FBXL17: variants seen among roughly 807,000 people sequenced by gnomAD.
The protein encoded by FBXL17 is F-box/LRR-repeat protein 17.
Under a neutral mutation model 66.2 loss-of-function variants are expected in FBXL17, and 22 were observed. The observed-to-expected ratio is 0.33, with a 90% CI of 0.24 to 0.47. The LOEUF is 0.47. FBXL17 is among the 20% of genes least tolerant of loss of function. The pLI is 1.00. For synonymous variants in FBXL17, 474 were observed against 400.5 expected (o/e 1.18, Z -2.19); for missense variants, 878 against 948.2 (o/e 0.93, Z 0.97).
chr5:108,246,440 C>T (rs1217117464), intron 4 of FBXL17, among the ~76,000 whole-genome samples: 1 of 152,112 alleles, frequency 6.6e-6, no homozygotes. Flanking sequence ...TCACTTGAGC[C>T]CAGGAGGTTG....
At chr5:108,038,863 T>A (rs1403850700) in intron 6 of FBXL17, among the ~76,000 whole-genome samples, 1 of 152,090 alleles carries the variant, frequency 6.6e-6, no homozygotes, top group Non-Finnish European at 1.5e-5. Context: ...CTCACCATGA[T>A]GTACTGAAAA....
chr5:108,143,462 A>G (rs1751438480), intron 6 of FBXL17, among the ~76,000 whole-genome samples: 1 of 152,104 alleles, frequency 6.6e-6, no homozygotes, highest in Admixed American at 6.5e-5. Context: ...GTATCTCTTC[A>G]TGACCAGATT....
intron 7 of FBXL17, among the ~76,000 whole-genome samples, chr5:107,950,610 T>C (rs937562581): frequency 6.6e-6 from 1 of 152,204 alleles, no homozygotes; most frequent in Admixed American, 6.5e-5. Flanking sequence ...ATGTCTCATA[T>C]GGTCTCATCT....
rs1242120184 is a variant in FBXL17, at chr5:108,099,420, T to C, written c.1746-78419A>G. Among the ~76,000 whole-genome samples the C allele has an allele frequency of 1.3e-5, 2 of 152,146 alleles. 1 individual carries two copies. Among genetic ancestry groups the C allele is most frequent in the South Asian group, 4.1e-4 (2 of 4,836 alleles). ...GTTTTACATGGCACAGGAGACTTCATAGGAAAACGAAGACCCAAAGATGCA... is the reference window on the plus strand; with the variant it reads ...GTTTTACATGGCACAGGAGACTTCACAGGAAAACGAAGACCCAAAGATGCA... On this transcript the variant is annotated intron_variant, in intron 6 of 8. Transcript: ENST00000542267.
At chr5:108,193,112 C>T (rs1014789342) in intron 5 of FBXL17, among the ~76,000 whole-genome samples, 1 of 152,156 alleles carries the variant, frequency 6.6e-6, no homozygotes, top group Non-Finnish European at 1.5e-5. Context: ...CACATATTGA[C>T]TTTATTGGAC....
chr5:108,183,942 G>A (rs115996234), intron 6 of FBXL17, among the ~76,000 whole-genome samples: 2,013 of 152,202 alleles, frequency 0.013, 53 homozygotes, highest in African/African-American at 0.047. Flanking sequence ...TATAAATGGT[G>A]ATCACATACC....
intron 4 of FBXL17, among the ~76,000 whole-genome samples, chr5:108,323,554 T>C (rs1365224296): frequency 6.6e-6 from 1 of 152,026 alleles, no homozygotes; most frequent in Non-Finnish European, 1.5e-5. Flanking sequence ...ATACAATCCC[T>C]ATCAAAATCT....
Position 107,881,023 on chromosome 5 carries a change from T to G in FBXL17, c.1965+14A>C. 1 of 1,614,102 alleles carries G rather than the reference T, an allele frequency of 6.2e-7. No individual in the cohort carries two copies. The highest frequency in any genetic ancestry group is 1.1e-5 in the South Asian group (1 of 91,086). On this transcript the variant is annotated intron_variant, in intron 8 of 8. Coordinates refer to ENST00000542267, the MANE Select transcript of FBXL17 (RefSeq NM_001163315.3). Reference sequence around the variant, plus strand: ...GATATGTAGAAAGCAAACAACTTGATAGTCAACTCTTACTTTATCACATCT... The same window carrying G: ...GATATGTAGAAAGCAAACAACTTGAGAGTCAACTCTTACTTTATCACATCT...
At chr5:108,312,302 G>A (rs919011979) in intron 4 of FBXL17, among the ~76,000 whole-genome samples, 2 of 151,990 alleles carry the variant, frequency 1.3e-5, no homozygotes, top group African/African-American at 4.8e-5. Context: ...TGTATTTCAT[G>A]AACTACCCTA....
intron 7 of FBXL17, among the ~76,000 whole-genome samples, chr5:107,980,662 A>ATTTTTTTTTTT (rs1428679219): frequency 1.5e-5 from 1 of 65,804 alleles, no homozygotes; most frequent in African/African-American, 1.0e-4. Flanking sequence ...ATATATATAT[A>ATTTTTTTTTTT]TATTTTTTTT....
At chr5:108,189,775 T>C (rs1044991992) in intron 5 of FBXL17, among the ~76,000 whole-genome samples, 4 of 152,220 alleles carry the variant, frequency 2.6e-5, no homozygotes, top group African/African-American at 7.2e-5. Context: ...GAAATTATCC[T>C]GCTTGGTCCT....
intron 6 of FBXL17, among the ~76,000 whole-genome samples, chr5:108,149,886 G>T (rs1409091560): frequency 1.3e-5 from 2 of 152,114 alleles, no homozygotes; most frequent in Non-Finnish European, 2.9e-5. Context: ...TGACAGCAGA[G>T]AATTCTTGAG....
intron 7 of FBXL17, among the ~76,000 whole-genome samples, chr5:107,977,441 G>C (rs1752624363): frequency 6.6e-6 from 1 of 152,142 alleles, no homozygotes; most frequent in Non-Finnish European, 1.5e-5. Context: ...ACTTTACAGA[G>C]AAAAAACTGG....
At chr5:108,194,298 C>T (rs1753590233) in intron 5 of FBXL17, among the ~76,000 whole-genome samples, 1 of 152,020 alleles carries the variant, frequency 6.6e-6, no homozygotes, top group Admixed American at 6.6e-5. Context: ...ATCTGTTCTC[C>T]TCTCCCTTCC....
At chr5:107,970,959 A>G (rs1260343126) in intron 7 of FBXL17, among the ~76,000 whole-genome samples, 2 of 152,192 alleles carry the variant, frequency 1.3e-5, no homozygotes, top group African/African-American at 4.8e-5. Context: ...GATATGCCCG[A>G]CAGAATCTAG....
intron 6 of FBXL17, among the ~76,000 whole-genome samples, chr5:108,143,345 T>TCACACACA (rs1491283043): frequency 1.6e-3 from 201 of 129,280 alleles, no homozygotes; most frequent in African/African-American, 5.8e-3. Flanking sequence ...AGAACAGCAT[T>TCACACACA]CTCACACACA....
At chr5:108,250,148 T>C (rs1474555855) in intron 4 of FBXL17, among the ~76,000 whole-genome samples, 1 of 152,118 alleles carries the variant, frequency 6.6e-6, no homozygotes, top group Non-Finnish European at 1.5e-5. Flanking sequence ...ATCAATTTTT[T>C]CCTTTTAGAA....
chr5:107,925,301 G>GT (rs776321393), intron 7 of FBXL17, among the ~76,000 whole-genome samples: 34 of 152,314 alleles, frequency 2.2e-4, no homozygotes, highest in Non-Finnish European at 4.4e-4. Context: ...TGTTTGCACA[G>GT]TTATACTTCT....
intron 7 of FBXL17, among the ~76,000 whole-genome samples, chr5:107,959,024 T>C (rs1751785120): frequency 6.6e-6 from 1 of 152,184 alleles, no homozygotes; most frequent in Admixed American, 6.5e-5. Flanking sequence ...AGGAAGTGAC[T>C]TGAATCATGT....
Sources: gnomAD v4.1 joint callset for allele counts (sites outside exome capture counted in the v4.1 genomes callset) on GRCh38, gnomAD v4.1.1 for gene constraint, MANE v1.5 for transcripts, NCBI Gene and HGNC (gene_info 2026-07-23, HGNC 2026-07-21) for gene names.